The following SLC24A2 variants were observed in gnomAD, a reference collection of about 807,000 sequenced individuals.
The protein encoded by SLC24A2 is sodium/potassium/calcium exchanger 2.
A neutral mutation model predicts 62.0 loss-of-function variants in SLC24A2; 36 were observed. The observed-to-expected ratio is 0.58, with a 90% confidence interval of 0.44 to 0.77. SLC24A2 has a LOEUF of 0.77. Among genes scored for constraint, SLC24A2 ranks in the 30% least tolerant of loss-of-function variants. SLC24A2 has a pLI of 0.00. For synonymous variants in SLC24A2, 358 were observed against 294.0 expected (o/e 1.22, Z -2.23); for missense variants, 846 against 817.9 (o/e 1.03, Z -0.42).
At chr9:20,242,982 T>C in the SLC24A2 span, among the ~76,000 whole-genome samples, 1 of 152,104 alleles carries the variant, frequency 6.6e-6, no homozygotes, top group Non-Finnish European at 1.5e-5. Context: ...AAAGTTTCAT[T>C]TCCCGTGCAT....
At chr9:19,884,717 T>C in the SLC24A2 span, among the ~76,000 whole-genome samples, 175 of 152,312 alleles carry the variant, frequency 1.1e-3, no homozygotes, top group Non-Finnish European at 2.0e-3. Flanking sequence ...TATACAACCA[T>C]TGTTTTCACT....
the SLC24A2 span, among the ~76,000 whole-genome samples, chr9:20,307,848 CTT>C: frequency 6.6e-6 from 1 of 152,162 alleles, no homozygotes; most frequent in African/African-American, 2.4e-5. Flanking sequence ...CCGCGGCTCT[CTT>C]TGCTCAGCTG....
At chr9:19,521,142 C>A (rs367894981) in intron 9 of SLC24A2, 82 bp from the exon 10 acceptor site, 1 of 1,234,930 alleles carries the variant, frequency 8.1e-7, no homozygotes, top group Non-Finnish European at 1.2e-6. Context: ...ATGCGACCTC[C>A]TTTTAATGCA....
the SLC24A2 span, among the ~76,000 whole-genome samples, chr9:19,877,048 T>C: frequency 6.6e-6 from 1 of 152,012 alleles, no homozygotes; most frequent in Non-Finnish European, 1.5e-5. Context: ...TCTATATTAA[T>C]ATGAACCTTT....
At chr9:19,634,463 T>C (rs1470606845) in intron 2 of SLC24A2, among the ~76,000 whole-genome samples, 1 of 152,032 alleles carries the variant, frequency 6.6e-6, no homozygotes, top group Non-Finnish European at 1.5e-5. Flanking sequence ...TAATTTTGTA[T>C]TTTTAGTAGA....
chr9:20,058,053 C>T, the SLC24A2 span, among the ~76,000 whole-genome samples: 11 of 152,246 alleles, frequency 7.2e-5, no homozygotes, highest in African/African-American at 2.4e-4. Context: ...GGAGTGTCAA[C>T]ATTTAACATT....
chr9:19,842,450 T>C, the SLC24A2 span, among the ~76,000 whole-genome samples: 13 of 152,332 alleles, frequency 8.5e-5, no homozygotes, highest in East Asian at 2.1e-3. Flanking sequence ...AAACGATTTA[T>C]GCTTTGAATC....
At chr9:20,160,172 C>A in the SLC24A2 span, among the ~76,000 whole-genome samples, 1 of 150,954 alleles carries the variant, frequency 6.6e-6, no homozygotes, top group Non-Finnish European at 1.5e-5. Flanking sequence ...AAATTCAGAC[C>A]AAAATGCATT....
intron 2 of SLC24A2, among the ~76,000 whole-genome samples, chr9:19,625,832 GC>G (rs1818020595): frequency 6.6e-6 from 1 of 151,706 alleles, no homozygotes; most frequent in African/African-American, 2.4e-5. Flanking sequence ...GATTACAGGT[GC>G]CCGCCACCAC....
chr9:19,718,932 T>C (rs942207424), intron 2 of SLC24A2, among the ~76,000 whole-genome samples: 1 of 152,184 alleles, frequency 6.6e-6, no homozygotes, highest in Non-Finnish European at 1.5e-5. Context: ...GTGGGACACA[T>C]TTCCCTTGAC....
chr9:19,777,140 A>G (rs895879222), intron 2 of SLC24A2, among the ~76,000 whole-genome samples: 3 of 152,216 alleles, frequency 2.0e-5, no homozygotes, highest in East Asian at 1.9e-4. Context: ...TTCTCAGCAT[A>G]TATTTGTAAG....
At chr9:20,115,733 C>T in the SLC24A2 span, among the ~76,000 whole-genome samples, 2 of 152,268 alleles carry the variant, frequency 1.3e-5, no homozygotes, top group East Asian at 3.9e-4. Flanking sequence ...AGGCAGAATA[C>T]ATTGAGAGCT....
At chr9:20,011,366 A>G in the SLC24A2 span, among the ~76,000 whole-genome samples, 19 of 152,122 alleles carry the variant, frequency 1.2e-4, no homozygotes, top group Non-Finnish European at 2.6e-4. Context: ...GCCAGTGATG[A>G]TGAGCATTTT....
the SLC24A2 span, among the ~76,000 whole-genome samples, chr9:19,876,551 G>A: frequency 6.6e-6 from 1 of 152,024 alleles, no homozygotes; most frequent in South Asian, 2.1e-4. Context: ...TTTTAAATTG[G>A]CTTTCCATAG....
intron 4 of SLC24A2, among the ~76,000 whole-genome samples, chr9:19,608,258 G>C (rs574644183): frequency 2.5e-3 from 380 of 151,998 alleles, no homozygotes; most frequent in Middle Eastern, 0.01. Flanking sequence ...GGATAAAAGG[G>C]GGCATGAAAT....
chr9:19,545,748 C>A (rs796122548), intron 8 of SLC24A2, among the ~76,000 whole-genome samples: 7 of 152,080 alleles, frequency 4.6e-5, no homozygotes, highest in African/African-American at 1.7e-4. Context: ...ATGCCATTCT[C>A]CTGCCTCAGC....
At chr9:20,295,669 G>C in the SLC24A2 span, among the ~76,000 whole-genome samples, 2 of 152,156 alleles carry the variant, frequency 1.3e-5, no homozygotes, top group African/African-American at 4.8e-5. Context: ...TGCTGCTTTG[G>C]ACATCAGAAA....
At chr9:20,068,684 T>C in the SLC24A2 span, among the ~76,000 whole-genome samples, 2 of 152,114 alleles carry the variant, frequency 1.3e-5, no homozygotes, top group Non-Finnish European at 2.9e-5. Context: ...TGCTGGATGA[T>C]GTCTCCGTGG....
intron 7 of SLC24A2, among the ~76,000 whole-genome samples, chr9:19,552,391 G>C (rs1180055746): frequency 5.3e-5 from 8 of 152,176 alleles, no homozygotes; most frequent in Admixed American, 2.0e-4. Flanking sequence ...TCCCAGATAT[G>C]ATCCTTCTTG....
Sources: allele counts gnomAD v4.1 joint callset (sites outside exome capture counted in the v4.1 genomes callset), GRCh38; gene constraint gnomAD v4.1.1; transcripts MANE v1.5; gene names NCBI Gene and HGNC (gene_info 2026-07-23, HGNC 2026-07-21).